Variants in TMTC2 observed in about 807,000 individuals in gnomAD.
TMTC2 encodes transmembrane O-mannosyltransferase targeting cadherins 2, also known as protein O-mannosyl-transferase TMTC2.
Under a neutral mutation model 82.4 loss-of-function variants are expected in TMTC2, and 43 were observed. The ratio of observed to expected loss-of-function variants is 0.52; its 90% CI spans 0.41 to 0.67. TMTC2 has a LOEUF of 0.67. Among genes scored for constraint, TMTC2 ranks in the 30% least tolerant of loss-of-function variants. TMTC2 has a pLI of 0.00. For missense variants in TMTC2, 919 were observed against 1,012.4 expected (o/e 0.91, Z 1.25); for synonymous variants, 408 against 381.9 (o/e 1.07, Z -0.80).
At chr12:82,979,696 G>A (rs557741326) in intron 7 of TMTC2, among the ~76,000 whole-genome samples, 1 of 151,724 alleles carries the variant, frequency 6.6e-6, no homozygotes, top group South Asian at 2.1e-4. Flanking sequence ...AGTGAGTTTT[G>A]TACTTTCAAA....
At chr12:82,949,624 T>G (rs540593204) in intron 4 of TMTC2, among the ~76,000 whole-genome samples, 55 of 152,208 alleles carry the variant, frequency 3.6e-4, no homozygotes, top group Non-Finnish European at 7.3e-4. Flanking sequence ...GGCAAATTAT[T>G]TAATCCTTAT....
At chr12:83,117,443 C>T (rs1469848338) in intron 11 of TMTC2, among the ~76,000 whole-genome samples, 13 of 152,126 alleles carry the variant, frequency 8.5e-5, no homozygotes, top group Admixed American at 8.5e-4. Flanking sequence ...GGTTTCATTT[C>T]AGGGATGCAG....
chr12:83,098,980 C>A (rs528060547), intron 11 of TMTC2, among the ~76,000 whole-genome samples: 1 of 152,244 alleles, frequency 6.6e-6, no homozygotes, highest in Admixed American at 6.5e-5. Context: ...TGAGGAGACT[C>A]TTTTTAAGAT....
intron 1 of TMTC2, among the ~76,000 whole-genome samples, chr12:82,692,167 G>A (rs1872606485): frequency 1.3e-5 from 2 of 152,120 alleles, no homozygotes; most frequent in Non-Finnish European, 2.9e-5. Context: ...ATGTGCAAAT[G>A]CCACAGGGAA....
chr12:82,816,391 C>T (rs1868724330), intron 1 of TMTC2, among the ~76,000 whole-genome samples: 1 of 152,026 alleles, frequency 6.6e-6, no homozygotes, highest in African/African-American at 2.4e-5. Context: ...AGATGTCCCT[C>T]ACCCTAGAAA....
chr12:83,062,671 G>A (rs527777344), intron 11 of TMTC2, among the ~76,000 whole-genome samples: 8 of 151,798 alleles, frequency 5.3e-5, no homozygotes, highest in African/African-American at 1.9e-4. Flanking sequence ...TAGAGTGCCT[G>A]CTTTGTGGTA....
intron 1 of TMTC2, among the ~76,000 whole-genome samples, chr12:82,782,371 A>G (rs1348615967): frequency 6.6e-5 from 10 of 152,168 alleles, no homozygotes; most frequent in African/African-American, 2.2e-4. Flanking sequence ...TATGTATCGG[A>G]TGGTACTAAA....
chr12:82,989,677 A>T (rs1879319191), intron 8 of TMTC2, among the ~76,000 whole-genome samples: 1 of 151,512 alleles, frequency 6.6e-6, no homozygotes, highest in Admixed American at 6.6e-5. Flanking sequence ...TTCTAAAAAA[A>T]TTTTTCAAGC....
At chr12:83,068,751 G>A (rs1448989880) in intron 11 of TMTC2, among the ~76,000 whole-genome samples, 1 of 152,136 alleles carries the variant, frequency 6.6e-6, no homozygotes, top group Admixed American at 6.5e-5. Flanking sequence ...GGTACAGGCA[G>A]TATTTGGTTA....
chr12:82,820,742 A>G (rs909898449), intron 1 of TMTC2, among the ~76,000 whole-genome samples: 2 of 152,246 alleles, frequency 1.3e-5, no homozygotes, highest in African/African-American at 4.8e-5. Flanking sequence ...CAAACATACT[A>G]TTGATCCTTA....
intron 11 of TMTC2, among the ~76,000 whole-genome samples, chr12:83,106,253 A>T (rs1175083605): frequency 1.3e-5 from 2 of 152,202 alleles, no homozygotes; most frequent in South Asian, 2.1e-4. Flanking sequence ...AAAGATACAC[A>T]GCTTGGGAGG....
intron 1 of TMTC2, among the ~76,000 whole-genome samples, chr12:82,740,018 T>C (rs1875317612): frequency 6.6e-6 from 1 of 152,090 alleles, no homozygotes; most frequent in Non-Finnish European, 1.5e-5. Context: ...TTTGAACATA[T>C]ACATGTAATG....
At chr12:82,769,861 C>T (rs142816730) in intron 1 of TMTC2, among the ~76,000 whole-genome samples, 2,443 of 152,260 alleles carry the variant, frequency 0.016, 65 homozygotes, top group African/African-American at 0.056. Context: ...CCACCTGCCT[C>T]GGCCTCCCAA....
At chr12:83,090,214 G>A (rs1883797943) in intron 11 of TMTC2, among the ~76,000 whole-genome samples, 1 of 152,164 alleles carries the variant, frequency 6.6e-6, no homozygotes. Context: ...CCTAGATTTA[G>A]TTTGTGTCTT....
chr12:82,837,505 A>G (rs1870113606), intron 1 of TMTC2, among the ~76,000 whole-genome samples: 1 of 152,180 alleles, frequency 6.6e-6, no homozygotes, highest in African/African-American at 2.4e-5. Context: ...TATTCAATTA[A>G]CTGTCTGTCA....
rs145290812 is a variant in TMTC2, at chr12:83,000,774, G to C, written c.2070+14728G>C. On this transcript the variant is annotated intron_variant, in intron 8 of 11. Transcript: ENST00000321196. ...GCCCTAGCAGAGGTCCTTCATGAGG[G>C]CTCCACCCATGCAACAAATTTTTGC... Among the ~76,000 whole-genome samples, 1,371 of 152,284 alleles carry C rather than the reference G, an allele frequency of 9.0e-3. 20 individuals carry two copies. The highest frequency in any genetic ancestry group is 0.024 in the Middle Eastern group (7 of 294).
At chr12:83,032,613 C>T (rs1425535491) in intron 9 of TMTC2, among the ~76,000 whole-genome samples, 3 of 152,054 alleles carry the variant, frequency 2.0e-5, no homozygotes, top group Non-Finnish European at 2.9e-5. Flanking sequence ...GGCACGATCT[C>T]GGCTCACTGC....
rs1049459768 is a variant in TMTC2 at position 82,813,967 on chromosome 12, T to C, written c.84-43043T>C. Among the ~76,000 whole-genome samples the C allele has an allele frequency of 3.3e-5, 5 of 152,238 alleles. No individual in the cohort carries two copies. The East Asian group carries it at 9.7e-4, about 29-fold the overall frequency. On this transcript the variant is annotated intron_variant, in intron 1 of 11. Coordinates refer to ENST00000321196, the MANE Select transcript of TMTC2 (RefSeq NM_152588.3). ...AGGGAACAGGGAATAATAATGAAGA[T>C]GATAATGATAGCCAGAGATTATAGC...
At chr12:83,075,351 C>T (rs1262815212) in intron 11 of TMTC2, among the ~76,000 whole-genome samples, 2 of 152,174 alleles carry the variant, frequency 1.3e-5, no homozygotes, top group Admixed American at 1.3e-4. Context: ...CCGCAAGCTG[C>T]TCTGTCTGGA....
Sources: allele counts gnomAD v4.1 joint callset (sites outside exome capture counted in the v4.1 genomes callset), GRCh38; gene constraint gnomAD v4.1.1; transcripts MANE v1.5; gene names NCBI Gene and HGNC (gene_info 2026-07-23, HGNC 2026-07-21).